The following CAMK4 variants were observed in gnomAD, a reference collection of about 807,000 sequenced individuals.
The protein encoded by CAMK4 is calcium/calmodulin dependent protein kinase IV.
Under a neutral mutation model 44.9 loss-of-function variants are expected in CAMK4, and 22 were observed. The observed-to-expected ratio is 0.49, with a 90% CI of 0.35 to 0.70. CAMK4 has a LOEUF of 0.70. Ranked by LOEUF, CAMK4 falls within the 30% of genes least tolerant of loss-of-function variation. The probability of loss-of-function intolerance (pLI) is 0.01; values close to 1 mark genes in which losing one functional copy is unlikely to be tolerated. For missense variants in CAMK4, 498 were observed against 586.8 expected (o/e 0.85, Z 1.56); for synonymous variants, 218 against 215.4 (o/e 1.01, Z -0.11).
intron 7 of CAMK4, among the ~76,000 whole-genome samples, chr5:111,464,857 C>T (rs550504038): frequency 6.6e-6 from 1 of 152,132 alleles, no homozygotes; most frequent in African/African-American, 2.4e-5. Flanking sequence ...TATTTAATAC[C>T]ACACACTATG....
intron 2 of CAMK4, among the ~76,000 whole-genome samples, chr5:111,349,218 C>G (rs934342566): frequency 4.0e-5 from 6 of 151,850 alleles, no homozygotes; most frequent in African/African-American, 1.4e-4. Context: ...TTTTTGTTCC[C>G]CATGCATGCT....
At chr5:111,223,800 A>G (rs1457718296), upstream of CAMK4, 2 of 152,096 alleles carry the variant, frequency 1.3e-5, no homozygotes, top group African/African-American at 2.4e-5. The surrounding 1 kb of genome is among the most constrained non-coding windows in gnomAD (Gnocchi z 4.3). Context: ...CGACCACAGT[A>G]CTCCCTCCCC....
chr5:111,227,472 A>T (rs1259206776), intron 1 of CAMK4, among the ~76,000 whole-genome samples: 1 of 152,232 alleles, frequency 6.6e-6, no homozygotes, highest in Admixed American at 6.5e-5. Flanking sequence ...TCTCCACCAG[A>T]ATTAGTGATT....
At chr5:111,281,885 C>T (rs962844556) in intron 1 of CAMK4, among the ~76,000 whole-genome samples, 3 of 151,470 alleles carry the variant, frequency 2.0e-5, no homozygotes, top group Admixed American at 6.6e-5. Flanking sequence ...GGTGAAACCC[C>T]GTCTCTACTA....
chr5:111,244,589 G>T (rs967953268), intron 1 of CAMK4, among the ~76,000 whole-genome samples: 1 of 152,208 alleles, frequency 6.6e-6, no homozygotes, highest in Non-Finnish European at 1.5e-5. Flanking sequence ...TAGTCTGGGC[G>T]CAGTGGCACA....
At chr5:111,245,625 G>A (rs1382588048) in intron 1 of CAMK4, among the ~76,000 whole-genome samples, 1 of 152,122 alleles carries the variant, frequency 6.6e-6, no homozygotes, top group African/African-American at 2.4e-5. Context: ...AGCAGCAAAT[G>A]AGTTTCACTT....
rs184783464 is a variant in CAMK4, at chr5:111,323,006, G to A, written c.162-21018G>A. 2.7e-4 allele frequency among the ~76,000 whole-genome samples: 41 copies of A among 152,196 alleles called. No individual in the cohort carries two copies. The East Asian group carries it at 7.1e-3, about 27-fold the overall frequency. ...AAGGAACAGTCTTAACAACTTGTGG[G>A]AAAATATCAAGAAGGCTATCATAAA... On this transcript the variant is annotated intron_variant, in intron 1 of 10. Coordinates refer to ENST00000282356, the MANE Select transcript of CAMK4 (RefSeq NM_001744.6).
At chr5:111,374,257 C>G (rs1301641308) in intron 2 of CAMK4, among the ~76,000 whole-genome samples, 2 of 152,058 alleles carry the variant, frequency 1.3e-5, no homozygotes, top group East Asian at 1.9e-4. Flanking sequence ...CAAAACTGTT[C>G]ACTATTAGAA....
At chr5:111,413,231 G>A (rs994555925) in intron 5 of CAMK4, among the ~76,000 whole-genome samples, 2 of 152,078 alleles carry the variant, frequency 1.3e-5, no homozygotes, top group Admixed American at 6.5e-5. Context: ...AATAAAAATA[G>A]GATTTTAAAT....
intron 9 of CAMK4, among the ~76,000 whole-genome samples, chr5:111,480,991 A>C (rs1402090422): frequency 1.3e-5 from 2 of 152,212 alleles, no homozygotes; most frequent in African/African-American, 4.8e-5. Context: ...TGTCATCGGC[A>C]GAGACTAAGT....
At chr5:111,417,098 G>A (rs955489398) in intron 5 of CAMK4, among the ~76,000 whole-genome samples, 1 of 152,170 alleles carries the variant, frequency 6.6e-6, no homozygotes, top group African/African-American at 2.4e-5. Context: ...GTCTCACTCT[G>A]TCACCAAGGC....
chr5:111,292,020 T>C (rs927754506), intron 1 of CAMK4, among the ~76,000 whole-genome samples: 1 of 152,222 alleles, frequency 6.6e-6, no homozygotes, highest in African/African-American at 2.4e-5. Context: ...TGGGTATATA[T>C]TTATATTCCA....
At chr5:111,300,313 T>A (rs116376591) in intron 1 of CAMK4, among the ~76,000 whole-genome samples, 2,867 of 152,354 alleles carry the variant, frequency 0.019, 28 homozygotes, top group Non-Finnish European at 0.03. Context: ...TTAAGATGCT[T>A]ACATTTTTCC....
chr5:111,241,991 G>A (rs187825908), intron 1 of CAMK4, among the ~76,000 whole-genome samples: 3 of 152,280 alleles, frequency 2.0e-5, no homozygotes, highest in African/African-American at 4.8e-5. Context: ...GGCAGGAACA[G>A]CCCTTATTTA....
At chr5:111,345,582 G>T (rs1056347932) in intron 2 of CAMK4, among the ~76,000 whole-genome samples, 2 of 151,950 alleles carry the variant, frequency 1.3e-5, no homozygotes, top group African/African-American at 4.8e-5. Context: ...AGTAAAATTT[G>T]TGAAGGGCTA....
At chr5:111,380,567 A>G (rs1354195033) in intron 4 of CAMK4, among the ~76,000 whole-genome samples, 1 of 152,100 alleles carries the variant, frequency 6.6e-6, no homozygotes, top group Non-Finnish European at 1.5e-5. Flanking sequence ...CTATGTGTCC[A>G]TGTGTTCTCA....
rs115865732 is a variant in CAMK4, at chr5:111,399,898, T to C, written c.459+5116T>C. Among the ~76,000 whole-genome samples, 789 of 152,304 alleles carry C rather than the reference T, an allele frequency of 5.2e-3. 8 individuals are homozygous for C. Among genetic ancestry groups the C allele is most frequent in the African/African-American group, 0.018 (728 of 41,568 alleles). ...TATAGTAATACCTCATGTAGCTGACTGGGAAACTCTCTTATTCAATTGGTG... is the reference window on the plus strand; with the variant it reads ...TATAGTAATACCTCATGTAGCTGACCGGGAAACTCTCTTATTCAATTGGTG... On this transcript the variant is annotated intron_variant, in intron 5 of 10. Transcript: ENST00000282356.
At position 111,245,010 on chromosome 5, in the gene CAMK4, C is replaced by T. The variant is rs1044846738; in HGVS notation, c.161+20366C>T. On this transcript the variant is annotated intron_variant, in intron 1 of 10. Coordinates refer to ENST00000282356, the MANE Select transcript of CAMK4 (RefSeq NM_001744.6). ...ATGAATATATTGCTAGAATATTTAG[C>T]AGAAATGAATATGATGAATATATTG... Among the ~76,000 whole-genome samples the T allele has an allele frequency of 9.2e-5, 14 of 151,940 alleles. 1 individual carries two copies. Among genetic ancestry groups the T allele is most frequent in the Non-Finnish European group, 2.9e-5 (2 of 67,996 alleles).
chr5:111,328,860 T>A (rs1411396276), intron 1 of CAMK4, among the ~76,000 whole-genome samples: 3 of 152,062 alleles, frequency 2.0e-5, no homozygotes, highest in Non-Finnish European at 4.4e-5. Context: ...TACATTGATT[T>A]TGTATCCTGA....
Sources: gnomAD v4.1 joint callset for allele counts (sites outside exome capture counted in the v4.1 genomes callset) on GRCh38, gnomAD v4.1.1 for gene constraint, Gnocchi (gnomAD v3.1) non-coding constraint, MANE v1.5 for transcripts, NCBI Gene and HGNC (gene_info 2026-07-23, HGNC 2026-07-21) for gene names.